The following PDIA5 variants were observed in gnomAD, a reference collection of about 807,000 sequenced individuals.
PDIA5 encodes the protein protein disulfide isomerase family A member 5, also known as protein disulfide-isomerase A5.
Under a neutral mutation model 77.6 loss-of-function variants are expected in PDIA5, and 58 were observed. That is an observed-to-expected ratio of 0.75 (90% CI 0.61 to 0.93). The LOEUF is 0.93. PDIA5 is among the 40% of genes least tolerant of loss of function. The pLI, the probability that PDIA5 is intolerant of heterozygous loss-of-function variation, is 0.00. For synonymous variants in PDIA5, 250 were observed against 252.1 expected (o/e 0.99, Z 0.08); for missense variants, 630 against 647.7 (o/e 0.97, Z 0.30).
chr3:123,116,374 G>T, intron 8 of PDIA5, 76 bp downstream of exon 8: 2 of 1,091,264 alleles, frequency 1.8e-6, no homozygotes, highest in South Asian at 2.5e-5. Flanking sequence ...GGGGTGGGGT[G>T]GGGACAGGTT....
intron 1 of PDIA5, among the ~76,000 whole-genome samples, chr3:123,085,518 C>T (rs1934115957): frequency 6.6e-6 from 1 of 152,142 alleles, no homozygotes; most frequent in Admixed American, 6.5e-5. Context: ...TCTCATTGGC[C>T]CTGGGTTAGA....
At chr3:123,145,630 A>G in intron 12 of PDIA5, 38 bp downstream of exon 12, 1 of 1,523,430 alleles carries the variant, frequency 6.6e-7, no homozygotes, top group Non-Finnish European at 9.1e-7. Flanking sequence ...GTTCTCTTTG[A>G]AAGAATCACT....
At chr3:123,075,634 G>C (rs1475875638) in intron 1 of PDIA5, among the ~76,000 whole-genome samples, 3 of 152,100 alleles carry the variant, frequency 2.0e-5, no homozygotes, top group African/African-American at 7.2e-5. Context: ...GGGAGGAGCA[G>C]GGGAGATGGA....
intron 8 of PDIA5, among the ~76,000 whole-genome samples, chr3:123,116,502 C>T (rs1454419689): frequency 6.6e-6 from 1 of 152,178 alleles, no homozygotes; most frequent in African/African-American, 2.4e-5. Context: ...TTGCTGGGAC[C>T]AGGAGAGTTT....
At chr3:123,092,271 C>T (rs1360333030) in intron 2 of PDIA5, 84 bp from the exon 3 acceptor site, 1 of 1,120,200 alleles carries the variant, frequency 8.9e-7, no homozygotes, top group Non-Finnish European at 1.3e-6. Flanking sequence ...TGGTCTCCAT[C>T]CTTCCTCACC....
At chr3:123,102,013 G>A (rs1934612832) in intron 3 of PDIA5, among the ~76,000 whole-genome samples, 2 of 143,378 alleles carry the variant, frequency 1.4e-5, no homozygotes, top group South Asian at 2.3e-4. Flanking sequence ...GGGTTCAAGC[G>A]ATTCTCCTGC....
intron 1 of PDIA5, among the ~76,000 whole-genome samples, chr3:123,078,728 G>A (rs1706504999): frequency 6.6e-6 from 1 of 152,110 alleles, no homozygotes; most frequent in Middle Eastern, 3.2e-3. Context: ...GCATTTAATT[G>A]TCCTTCTTTA....
intron 11 of PDIA5, among the ~76,000 whole-genome samples, chr3:123,132,729 G>A (rs994071708): frequency 6.6e-6 from 1 of 152,222 alleles, no homozygotes; most frequent in Non-Finnish European, 1.5e-5. Context: ...AGGAATTGAT[G>A]TTGAATCTAG....
intron 13 of PDIA5, among the ~76,000 whole-genome samples, chr3:123,147,687 A>G (rs1178448998): frequency 6.6e-6 from 1 of 152,208 alleles, no homozygotes; most frequent in Non-Finnish European, 1.5e-5. Context: ...GAAAGTAGCT[A>G]GGCCTTTGTC....
At chr3:123,080,895 T>G (rs570413528) in intron 1 of PDIA5, among the ~76,000 whole-genome samples, 41 of 152,258 alleles carry the variant, frequency 2.7e-4, no homozygotes, top group African/African-American at 9.9e-4. Flanking sequence ...TCTATCTTAT[T>G]AGCTCCTCTT....
chr3:123,073,006 G>C (rs2107902844), intron 1 of PDIA5, among the ~76,000 whole-genome samples: 1 of 152,204 alleles, frequency 6.6e-6, no homozygotes, highest in East Asian at 1.9e-4. Context: ...GAAGGAGCAG[G>C]AGTGCTCAGC....
At chr3:123,153,063 G>A (rs1307426002) in intron 14 of PDIA5, among the ~76,000 whole-genome samples, 2 of 151,616 alleles carry the variant, frequency 1.3e-5, no homozygotes, top group Admixed American at 6.6e-5. Context: ...TTCTGAAACA[G>A]CCCTCCCTCC....
At chr3:123,112,694 A>C (rs955119789) in intron 7 of PDIA5, among the ~76,000 whole-genome samples, 8 of 151,594 alleles carry the variant, frequency 5.3e-5, no homozygotes, top group African/African-American at 1.9e-4. Flanking sequence ...AGTAGCTGGG[A>C]CTATAGGTGC....
intron 13 of PDIA5, among the ~76,000 whole-genome samples, chr3:123,149,999 A>G (rs1355912283): frequency 1.3e-5 from 2 of 152,210 alleles, no homozygotes; most frequent in African/African-American, 2.4e-5. Flanking sequence ...CAAGTCTTCC[A>G]TATTTTACAA....
chr3:123,069,503 C>T (rs1003590220), intron 1 of PDIA5, among the ~76,000 whole-genome samples: 1 of 152,098 alleles, frequency 6.6e-6, no homozygotes, highest in Admixed American at 6.5e-5. Context: ...TGGTGTAGAA[C>T]AATTGAAATG....
Position 123,151,875 on chromosome 3 carries a change from G to GCCTTCCTGCCTGCCTT in PDIA5, c.1273+1539_1273+1554dup, listed in dbSNP as rs1560562123. ...TTCCTGCCCTCCTTCCTTCCTGCCC[G>GCCTTCCTGCCTGCCTT]CCTTCCTGCCTGCCTTCCTTCCTGC... is the stretch of plus-strand genomic sequence containing the variant. On this transcript the variant is annotated intron_variant, in intron 14 of 16. Coordinates refer to ENST00000316218, the MANE Select transcript of PDIA5 (RefSeq NM_006810.4). Among the ~76,000 whole-genome samples the GCCTTCCTGCCTGCCTT allele has an allele frequency of 6.5e-4, 59 of 90,990 alleles. 1 individual carries two copies. The highest frequency in any genetic ancestry group is 2.0e-3 in the African/African-American group (45 of 22,606). 59.7% of individuals were successfully genotyped at this position (90,990 alleles called of 152,430 possible).
intron 3 of PDIA5, among the ~76,000 whole-genome samples, chr3:123,099,057 G>GCGCACACA (rs1553797922): frequency 1.3e-5 from 2 of 151,058 alleles, no homozygotes; most frequent in Admixed American, 6.6e-5. Context: ...ACATGCTTGC[G>GCGCACACA]CACACACACA....
At chr3:123,094,617 C>T (rs541842274) in intron 3 of PDIA5, among the ~76,000 whole-genome samples, 10 of 152,184 alleles carry the variant, frequency 6.6e-5, no homozygotes, top group East Asian at 1.9e-4. Flanking sequence ...GTGTCCAGTC[C>T]GTGTCTGTGG....
chr3:123,147,629 G>A (rs1261717147), intron 13 of PDIA5, among the ~76,000 whole-genome samples: 4 of 152,182 alleles, frequency 2.6e-5, no homozygotes, highest in Non-Finnish European at 4.4e-5. Context: ...ATGAGATCCT[G>A]GCCTCAGCTT....
Sources: gnomAD v4.1 joint callset for allele counts (sites outside exome capture counted in the v4.1 genomes callset) on GRCh38, gnomAD v4.1.1 for gene constraint, MANE v1.5 for transcripts, NCBI Gene and HGNC (gene_info 2026-07-23, HGNC 2026-07-21) for gene names.